The following KIRREL3 variants were observed in gnomAD, a reference collection of about 807,000 sequenced individuals.
The protein encoded by KIRREL3 is kirre like nephrin family adhesion molecule 3.
KIRREL3 carries 36 observed loss-of-function variants against 89.7 expected under a neutral mutation model. That is an observed-to-expected ratio of 0.40 (90% CI 0.31 to 0.53). The LOEUF (loss-of-function observed/expected upper bound fraction) is 0.53, where lower values mean the gene tolerates loss of function less well. KIRREL3 is among the 20% of genes least tolerant of loss of function. The probability of loss-of-function intolerance (pLI) is 0.49; values close to 1 mark genes in which losing one functional copy is unlikely to be tolerated. For synonymous variants in KIRREL3, 445 were observed against 441.4 expected (o/e 1.01, Z -0.10); for missense variants, 864 against 1,056.6 (o/e 0.82, Z 2.53).
At chr11:126,815,827 G>T (rs545114704) in intron 1 of KIRREL3, among the ~76,000 whole-genome samples, 3 of 152,226 alleles carry the variant, frequency 2.0e-5, no homozygotes, top group South Asian at 2.1e-4. Flanking sequence ...GAGCTGCTGT[G>T]CCCGGCCGAG....
intron 1 of KIRREL3, chr11:126,681,639 C>T (rs1180367360): frequency 6.7e-6 from 2 of 299,726 alleles, no homozygotes; most frequent in Non-Finnish European, 1.3e-5. Flanking sequence ...AGATCAAGCA[C>T]ACACTGGAGA....
rs1242624286 is a variant in KIRREL3, at chr11:126,528,944, T to C, written c.134-2257A>G. 2.0e-5 allele frequency among the ~76,000 whole-genome samples: 3 copies of C among 152,150 alleles called. No homozygotes were observed. Among genetic ancestry groups the C allele is most frequent in the Admixed American group, 6.5e-5 (1 of 15,274 alleles). ...GCTCATCCTTTTATCTCAAAATCTT[T>C]CTTACAAGAAGGACAGAGTCAAGGC... is the stretch of plus-strand genomic sequence containing the variant. On this transcript the variant is annotated intron_variant, in intron 2 of 16. Transcript: ENST00000525144. The surrounding 1 kb of genome is among the most constrained non-coding windows in gnomAD (Gnocchi z 4.6).
chr11:126,602,420 C>A (rs762070556), intron 1 of KIRREL3, among the ~76,000 whole-genome samples: 1 of 152,166 alleles, frequency 6.6e-6, no homozygotes, highest in Non-Finnish European at 1.5e-5. Flanking sequence ...TGCCTTTGTC[C>A]GGTGCCTCGT....
intron 1 of KIRREL3, among the ~76,000 whole-genome samples, chr11:126,819,511 A>T (rs1449563969): frequency 6.6e-6 from 1 of 152,188 alleles, no homozygotes; most frequent in Admixed American, 6.5e-5. Context: ...GGAGTGATAG[A>T]TGGTTCTTCC....
Position 126,492,772 on chromosome 11 carries a change from T to C in KIRREL3, c.434-19306A>G, listed in dbSNP as rs2134342058. 6.6e-6 allele frequency among the ~76,000 whole-genome samples: 1 copy of C among 152,282 alleles called. No individual in the cohort carries two copies. Among genetic ancestry groups the C allele is most frequent in the Admixed American group, 6.5e-5 (1 of 15,296 alleles). On this transcript the variant is annotated intron_variant, in intron 4 of 16. Transcript: ENST00000525144. The surrounding 1 kb of genome is among the most constrained non-coding windows in gnomAD (Gnocchi z 4.8). ...CTGAGCTGGACCGTGCAGGGAGGACTGGCTTCTTACCTGCCCCGAGACCCA... is the reference window on the plus strand; with the variant it reads ...CTGAGCTGGACCGTGCAGGGAGGACCGGCTTCTTACCTGCCCCGAGACCCA...
rs753862837 is a variant in KIRREL3 at position 126,704,783 on chromosome 11, A to G, written c.56-141871T>C. Among the ~76,000 whole-genome samples the G allele has an allele frequency of 4.6e-5, 7 of 152,212 alleles. No homozygotes were observed. Among genetic ancestry groups the G allele is most frequent in the Non-Finnish European group, 7.3e-5 (5 of 68,034 alleles). Reference sequence around the variant, plus strand: ...ACCAGTCCAAAGGCTTGATACAGGAACCACATCAGAATTGGTGACAAAACA... The same window carrying G: ...ACCAGTCCAAAGGCTTGATACAGGAGCCACATCAGAATTGGTGACAAAACA... On this transcript the variant is annotated intron_variant, in intron 1 of 16. Transcript: ENST00000525144. The surrounding 1 kb of genome is among the most constrained non-coding windows in gnomAD (Gnocchi z 4.2).
chr11:126,462,673 T>TA lies in KIRREL3; in HGVS notation c.742+483dup, dbSNP rs1565474947. Reference sequence around the variant, plus strand: ...AGAGTGAGACTCTGTCTCGAAAGAATAAAAAAAAGATTAAATGAGATAATA... The same window carrying TA: ...AGAGTGAGACTCTGTCTCGAAAGAATAAAAAAAAAGATTAAATGAGATAATA... On this transcript the variant is annotated intron_variant, in intron 6 of 16. Coordinates refer to ENST00000525144, the MANE Select transcript of KIRREL3 (RefSeq NM_032531.4). This position sits in a 1 kb window ranked among gnomAD's most constrained non-coding sequence, Gnocchi z 4.8. Among the ~76,000 whole-genome samples, 1 of 151,934 alleles carries TA rather than the reference T, an allele frequency of 6.6e-6. No homozygotes were observed. Among genetic ancestry groups the TA allele is most frequent in the African/African-American group, 2.4e-5 (1 of 41,410 alleles).
At chr11:126,942,031 C>T (rs1472470770) in intron 1 of KIRREL3, among the ~76,000 whole-genome samples, 1 of 152,144 alleles carries the variant, frequency 6.6e-6, no homozygotes, top group Non-Finnish European at 1.5e-5. Context: ...CTGTCATTTT[C>T]CAGTGGTGTG....
rs565183885 is a variant in KIRREL3 at position 126,491,522 on chromosome 11, C to T, written c.434-18056G>A. Among the ~76,000 whole-genome samples the T allele has an allele frequency of 7.2e-5, 11 of 152,112 alleles. No homozygotes were observed. Among genetic ancestry groups the T allele is most frequent in the African/African-American group, 2.2e-4 (9 of 41,484 alleles). ...CTCCAGTGTTGTCTGTCCCCCGAGT[C>T]GAGGTCTGGGGCAGGTAAGGAGGCC... On this transcript the variant is annotated intron_variant, in intron 4 of 16. Coordinates refer to ENST00000525144, the MANE Select transcript of KIRREL3 (RefSeq NM_032531.4). The surrounding 1 kb of genome is among the most constrained non-coding windows in gnomAD (Gnocchi z 5.5).
At chr11:126,625,485 C>A (rs1326181290) in intron 1 of KIRREL3, among the ~76,000 whole-genome samples, 1 of 152,166 alleles carries the variant, frequency 6.6e-6, no homozygotes, top group African/African-American at 2.4e-5. Context: ...CCAATTCATT[C>A]TCCATACTGC....
Position 126,489,122 on chromosome 11 carries a change from G to T in KIRREL3, c.434-15656C>A, listed in dbSNP as rs907250108. Among the ~76,000 whole-genome samples the T allele has an allele frequency of 6.6e-6, 1 of 152,192 alleles. No individual in the cohort carries two copies. Among genetic ancestry groups the T allele is most frequent in the Admixed American group, 6.5e-5 (1 of 15,278 alleles). ...GTCTCATCCTGGGGTGCATCCCAGG[G>T]CTCAGCCTGGGACCTCAGCATGGGG... On this transcript the variant is annotated intron_variant, in intron 4 of 16. Transcript: ENST00000525144. This position sits in a 1 kb window ranked among gnomAD's most constrained non-coding sequence, Gnocchi z 5.5.
At position 126,860,384 on chromosome 11, in the gene KIRREL3, G is replaced by A. The variant is rs531356640; in HGVS notation, c.55+140071C>T. 6.6e-6 allele frequency among the ~76,000 whole-genome samples: 1 copy of A among 152,280 alleles called. No homozygotes were observed. Among genetic ancestry groups the A allele is most frequent in the African/African-American group, 2.4e-5 (1 of 41,558 alleles). ...CTTTATTTATGTTTCAGGCAGAAAA[G>A]CTGGGAAAGTTATAGAAGTGATATT... On this transcript the variant is annotated intron_variant, in intron 1 of 16. Transcript: ENST00000525144. This position sits in a 1 kb window ranked among gnomAD's most constrained non-coding sequence, Gnocchi z 4.6.
At chr11:126,586,127 T>G (rs557322318) in intron 1 of KIRREL3, among the ~76,000 whole-genome samples, 1 of 152,076 alleles carries the variant, frequency 6.6e-6, no homozygotes, top group Non-Finnish European at 1.5e-5. Context: ...ATTCAGATGA[T>G]GGGAGGTGAG....
rs1030883269 is a variant in KIRREL3, at chr11:126,742,670, C to T, written c.56-179758G>A. ...ACATCAGCCTAGGTATGTCTAACTC[C>T]GAATTTTATTTTCTCTCAAATATAT... On this transcript the variant is annotated intron_variant, in intron 1 of 16. Transcript: ENST00000525144. The surrounding 1 kb of genome is among the most constrained non-coding windows in gnomAD (Gnocchi z 5.3). Among the ~76,000 whole-genome samples, 6 of 152,144 alleles carry T rather than the reference C, an allele frequency of 3.9e-5. No homozygotes were observed. The highest frequency in any genetic ancestry group is 2.1e-4 in the South Asian group (1 of 4,824).
rs1241533651 is a variant in KIRREL3 at position 126,515,462 on chromosome 11, C to T, written c.433+5853G>A. On this transcript the variant is annotated intron_variant, in intron 4 of 16. Coordinates refer to ENST00000525144, the MANE Select transcript of KIRREL3 (RefSeq NM_032531.4). This position sits in a 1 kb window ranked among gnomAD's most constrained non-coding sequence, Gnocchi z 4.2. ...AAGACCCTGACTCAAAAAAAAGATGCCTAAGGAAGTGAAAAGGACCACAGG... is the reference window on the plus strand; with the variant it reads ...AAGACCCTGACTCAAAAAAAAGATGTCTAAGGAAGTGAAAAGGACCACAGG... 6.6e-6 allele frequency among the ~76,000 whole-genome samples: 1 copy of T among 151,956 alleles called. No homozygotes were observed. The highest frequency in any genetic ancestry group is 2.4e-5 in the African/African-American group (1 of 41,382).
intron 1 of KIRREL3, among the ~76,000 whole-genome samples, chr11:126,813,554 C>G (rs143986185): frequency 1.3e-5 from 2 of 152,288 alleles, no homozygotes; most frequent in African/African-American, 4.8e-5. Context: ...CAAAGAATTA[C>G]TGAAGAATGA....
At chr11:126,450,639 A>C (rs1168233818) in intron 7 of KIRREL3, among the ~76,000 whole-genome samples, 1 of 130,174 alleles carries the variant, frequency 7.7e-6, no homozygotes, top group Non-Finnish European at 1.6e-5. Flanking sequence ...ATGTGGGAGC[A>C]TGTGCACGTG....
rs1183211819 is a variant in KIRREL3 at position 126,668,721 on chromosome 11, CT to C, written c.56-105810del. On this transcript the variant is annotated intron_variant, in intron 1 of 16. Coordinates refer to ENST00000525144, the MANE Select transcript of KIRREL3 (RefSeq NM_032531.4). This position sits in a 1 kb window ranked among gnomAD's most constrained non-coding sequence, Gnocchi z 4.4. ...TCTTTCTTTCTTTCTTTCTTTCTTTCTTTCTTTCTTTCTTTCTTTCTTTCTT... is the reference window on the plus strand; with the variant it reads ...TCTTTCTTTCTTTCTTTCTTTCTTTCTTCTTTCTTTCTTTCTTTCTTTCTT... Among the ~76,000 whole-genome samples, 3 of 120,076 alleles carry C rather than the reference CT, an allele frequency of 2.5e-5. No individual in the cohort carries two copies. The highest frequency in any genetic ancestry group is 5.5e-5 in the Non-Finnish European group (3 of 54,774). 78.8% of individuals were successfully genotyped at this position (120,076 alleles called of 152,430 possible).
chr11:126,582,336 C>A (rs959474651), intron 1 of KIRREL3, among the ~76,000 whole-genome samples: 3 of 152,334 alleles, frequency 2.0e-5, no homozygotes, highest in African/African-American at 4.8e-5. Flanking sequence ...AGTGGCAACA[C>A]AGAGGTGCCT....
Sources: allele counts gnomAD v4.1 joint callset (sites outside exome capture counted in the v4.1 genomes callset), GRCh38; gene constraint gnomAD v4.1.1; non-coding constraint Gnocchi (gnomAD v3.1); transcripts MANE v1.5; gene names NCBI Gene and HGNC (gene_info 2026-07-23, HGNC 2026-07-21).